Variants in ASCC3 observed in about 807,000 individuals in gnomAD.
The protein encoded by ASCC3 is ASC-1 complex subunit P200.
ASCC3 carries 158 observed loss-of-function variants against 256.3 expected under a neutral mutation model. The observed-to-expected ratio is 0.62, with a 90% CI of 0.54 to 0.70. The LOEUF (loss-of-function observed/expected upper bound fraction) is 0.70. Ranked by LOEUF, ASCC3 falls within the 30% of genes least tolerant of loss-of-function variation. ASCC3 has a pLI of 0.00. For missense variants in ASCC3, 2,259 were observed against 2,626.0 expected (o/e 0.86, Z 3.05); for synonymous variants, 948 against 883.4 (o/e 1.07, Z -1.30).
intron 36 of ASCC3, among the ~76,000 whole-genome samples, chr6:100,587,757 G>A (rs146680577): frequency 7.9e-5 from 12 of 152,174 alleles, no homozygotes; most frequent in Non-Finnish European, 1.2e-4. Context: ...AAAATATACC[G>A]GCATAACTGG....
At chr6:100,802,429 C>T (rs1388682830) in intron 5 of ASCC3, among the ~76,000 whole-genome samples, 1 of 151,968 alleles carries the variant, frequency 6.6e-6, no homozygotes, top group Non-Finnish European at 1.5e-5. Flanking sequence ...CTAAGGATTC[C>T]CCAGAAGCAA....
chr6:100,737,355 C>G (rs1439166307), intron 10 of ASCC3, among the ~76,000 whole-genome samples: 1 of 151,972 alleles, frequency 6.6e-6, no homozygotes, highest in Non-Finnish European at 1.5e-5. Flanking sequence ...CCCAGCATCC[C>G]TTAGCTATTC....
chr6:100,793,092 G>A (rs989222317), intron 8 of ASCC3, among the ~76,000 whole-genome samples: 1 of 151,872 alleles, frequency 6.6e-6, no homozygotes, highest in Non-Finnish European at 1.5e-5. Flanking sequence ...AGTCACCATA[G>A]CAAAACATCT....
chr6:100,649,346 A>G (rs775231649), intron 20 of ASCC3, among the ~76,000 whole-genome samples: 3 of 151,782 alleles, frequency 2.0e-5, no homozygotes, highest in Non-Finnish European at 4.4e-5. Flanking sequence ...CTATTTCAAT[A>G]TAAAATCATT....
chr6:100,521,770 G>A (rs1489879246), intron 37 of ASCC3, among the ~76,000 whole-genome samples: 1 of 152,218 alleles, frequency 6.6e-6, no homozygotes, highest in East Asian at 1.9e-4. Flanking sequence ...AACCTGATAG[G>A]GGCTAAGGCC....
chr6:100,642,356 A>G (rs1175741576), intron 24 of ASCC3, among the ~76,000 whole-genome samples: 2 of 152,160 alleles, frequency 1.3e-5, no homozygotes, highest in Non-Finnish European at 2.9e-5. Context: ...AATTTAACAT[A>G]CTAGAAATAA....
chr6:100,801,202 GTGTT>G (rs1769901209), intron 5 of ASCC3, among the ~76,000 whole-genome samples: 1 of 152,050 alleles, frequency 6.6e-6, no homozygotes, highest in Admixed American at 6.6e-5. Flanking sequence ...ATTACCTTCT[GTGTT>G]TGTTTAAATC....
chr6:100,605,596 G>T lies in ASCC3; in HGVS notation c.5149C>A (p.Leu1717Ile), dbSNP rs1482481542. 4 of 1,556,946 alleles carry T rather than the reference G, an allele frequency of 2.6e-6. No homozygotes were observed. The highest frequency in any genetic ancestry group is 1.7e-4 in the Middle Eastern group (1 of 5,920). Residue 1717 changes from leucine to isoleucine, a missense_variant, in exon 33 of 42, where the codon CTT becomes ATT. Leu to Ile is a conservative substitution (Grantham distance 5, BLOSUM62 2). Transcript: ENST00000369162. ...GATTCTACTGGGAAAGGTTCATAAA[G>T]AAATTTTTTATAAAAGTCTTTCTTT... ...DIKKDFYKKF[L>I]YEPFPVESSL...
At chr6:100,683,880 C>A (rs1472414761) in intron 13 of ASCC3, among the ~76,000 whole-genome samples, 1 of 151,734 alleles carries the variant, frequency 6.6e-6, no homozygotes, top group Non-Finnish European at 1.5e-5. Context: ...CACATAGAAA[C>A]AAAAGTAGGC....
intron 33 of ASCC3, among the ~76,000 whole-genome samples, chr6:100,604,468 T>G (rs1251610504): frequency 6.6e-6 from 1 of 152,048 alleles, no homozygotes; most frequent in Non-Finnish European, 1.5e-5. Context: ...TTCCTTTATT[T>G]TTCTGCAGAT....
intron 10 of ASCC3, among the ~76,000 whole-genome samples, chr6:100,743,770 C>T (rs1780542603): frequency 6.6e-6 from 1 of 151,962 alleles, no homozygotes; most frequent in Non-Finnish European, 1.5e-5. Flanking sequence ...TATTATACAC[C>T]TACTAGTACA....
rs1778305461 is a variant in ASCC3 at position 100,700,499 on chromosome 6, C to A, written c.2151+14963G>T. 2.0e-5 allele frequency among the ~76,000 whole-genome samples: 3 copies of A among 152,114 alleles called. No homozygotes were observed. In the South Asian group the frequency reaches 6.2e-4, roughly 32 times the overall value. On this transcript the variant is annotated intron_variant, in intron 13 of 41. Coordinates refer to ENST00000369162, the MANE Select transcript of ASCC3 (RefSeq NM_006828.4). ...AAGAGGGCCACCATCCTCCAGACCC[C>A]AAAATGGTAGATCCACTGACAGCTT...
At chr6:100,584,160 T>C (rs1278494673) in intron 36 of ASCC3, among the ~76,000 whole-genome samples, 1 of 151,326 alleles carries the variant, frequency 6.6e-6, no homozygotes, top group Non-Finnish European at 1.5e-5. Flanking sequence ...TTCTGTCTCG[T>C]TGATCTGTCT....
intron 13 of ASCC3, among the ~76,000 whole-genome samples, chr6:100,700,043 T>C (rs977852748): frequency 2.0e-5 from 3 of 152,118 alleles, no homozygotes; most frequent in Non-Finnish European, 4.4e-5. Context: ...TGCAGAAAAT[T>C]GCATAAGAAA....
intron 13 of ASCC3, among the ~76,000 whole-genome samples, chr6:100,698,894 G>C (rs1778212370): frequency 6.6e-6 from 1 of 152,084 alleles, no homozygotes; most frequent in African/African-American, 2.4e-5. Flanking sequence ...TATAAGATCA[G>C]ACTTAAGCAG....
intron 37 of ASCC3, among the ~76,000 whole-genome samples, chr6:100,528,753 C>T (rs745501485): frequency 5.9e-5 from 9 of 152,180 alleles, no homozygotes; most frequent in Non-Finnish European, 1.0e-4. Context: ...CAGAACATAG[C>T]TCCTTAAAGG....
intron 4 of ASCC3, among the ~76,000 whole-genome samples, chr6:100,818,748 C>CAAAGAA (rs1770888385): frequency 1.7e-5 from 1 of 58,108 alleles, no homozygotes; most frequent in African/African-American, 7.9e-5. Context: ...AGGCAAAAGC[C>CAAAGAA]AAAAAAAAAA....
chr6:100,684,207 G>A (rs1777447604), intron 13 of ASCC3, among the ~76,000 whole-genome samples: 1 of 152,146 alleles, frequency 6.6e-6, no homozygotes, highest in African/African-American at 2.4e-5. Flanking sequence ...GTGTGAGTTA[G>A]AATAAATTGT....
intron 16 of ASCC3, 25 bp from the exon 17 acceptor site, chr6:100,655,843 A>G (rs1329134265): frequency 6.2e-7 from 1 of 1,607,940 alleles, no homozygotes; most frequent in Non-Finnish European, 8.5e-7. Context: ...GATGACAGAA[A>G]TTAATGTATT....
Sources: allele counts gnomAD v4.1 joint callset (sites outside exome capture counted in the v4.1 genomes callset), GRCh38; gene constraint gnomAD v4.1.1; transcripts MANE v1.5; gene names NCBI Gene and HGNC (gene_info 2026-07-23, HGNC 2026-07-21).